Variants in BANF2 observed in about 807,000 individuals in gnomAD.
BANF2 encodes the protein BANF family member 2, also known as barrier-to-autointegration factor-like protein.
Under a neutral mutation model 8.0 loss-of-function variants are expected in BANF2, and 4 were observed. The observed-to-expected ratio is 0.50, with a 90% CI of 0.25 to 1.14. BANF2 has a LOEUF of 1.14. Ranked by LOEUF, BANF2 falls within the 50% of genes most tolerant of loss-of-function variation. The pLI is 0.16. For missense variants in BANF2, 96 were observed against 107.5 expected (o/e 0.89, Z 0.47); for synonymous variants, 50 against 40.6 (o/e 1.23, Z -0.88).
At chr20:17,731,830 G>T (rs2037901257) in intron 3 of BANF2, among the ~76,000 whole-genome samples, 1 of 150,638 alleles carries the variant, frequency 6.6e-6, no homozygotes, top group South Asian at 2.1e-4. Flanking sequence ...ACTTTGGGAG[G>T]CCGAGGCGGG....
upstream of BANF2, among the ~76,000 whole-genome samples, chr20:17,698,739 G>A (rs2037372461): frequency 6.6e-6 from 1 of 152,206 alleles, no homozygotes; most frequent in Non-Finnish European, 1.5e-5. Flanking sequence ...AGAGGCTATG[G>A]GCAGGGCACT....
chr20:17,700,253 C>G (rs1191836602), intron 1 of BANF2, among the ~76,000 whole-genome samples, 198 bp downstream of exon 1: 1 of 152,238 alleles, frequency 6.6e-6, no homozygotes, highest in East Asian at 1.9e-4. Flanking sequence ...CCTCTTCCTG[C>G]TGTGTCACCA....
chr20:17,712,654 A>T, intron 1 of BANF2: 1 of 606,142 alleles, frequency 1.6e-6, no homozygotes, highest in Non-Finnish European at 2.1e-6. Context: ...TCTAGAATCC[A>T]TGGGGCAGAG....
At chr20:17,724,929 T>A in intron 2 of BANF2, 94 bp from the exon 3 acceptor site, 1 of 1,304,798 alleles carries the variant, frequency 7.7e-7, no homozygotes, top group Middle Eastern at 2.7e-4. Context: ...GTTGCCCCAG[T>A]CCCTTGGTGG....
chr20:17,693,695 C>T lies in BANF2; in HGVS notation c.7C>T (p.Arg3Ter), dbSNP rs565286280. The change falls in exon 1 of 3, where the codon CGA (arginine) becomes TGA (stop). Residue 3 changes from arginine to a stop codon, truncating the protein, a stop_gained. Coordinates refer to the BANF2 transcript ENST00000545418. LOFTEE classifies it high-confidence loss of function. ...TAAAGCAACCCTGCGCTGAATGCTG[C>T]GAGGAACAAAGGTAAGGCAGATTGG... The T allele has an allele frequency of 4.5e-6, 7 of 1,551,486 alleles. No individual in the cohort carries two copies. Among genetic ancestry groups the T allele is most frequent in the South Asian group, 2.4e-5 (2 of 84,032 alleles).
chr20:17,722,604 A>G (rs2037748198), intron 1 of BANF2, 112 bp from the exon 2 acceptor site: 4 of 405,664 alleles, frequency 9.9e-6, no homozygotes, highest in Non-Finnish European at 1.3e-5. Flanking sequence ...TGAGATTCCT[A>G]TTTAGCTGCT....
chr20:17,701,177 C>T (rs918525729), intron 1 of BANF2, among the ~76,000 whole-genome samples: 5 of 152,136 alleles, frequency 3.3e-5, no homozygotes, highest in Non-Finnish European at 5.9e-5. Context: ...ACATTTTAGC[C>T]TATGTTAGGC....
intron 2 of BANF2, among the ~76,000 whole-genome samples, chr20:17,723,083 A>G (rs1439083849): frequency 6.6e-6 from 1 of 152,190 alleles, no homozygotes; most frequent in Non-Finnish European, 1.5e-5. Flanking sequence ...ACATTGGGTC[A>G]TTCCTGTATC....
At chr20:17,712,435 G>A in intron 1 of BANF2, 1 of 764,064 alleles carries the variant, frequency 1.3e-6, no homozygotes, top group Non-Finnish European at 1.6e-6. Context: ...CCAAGTCCTG[G>A]AAGGCAAGCC....
rs144153016 is a variant in BANF2 at position 17,700,749 on chromosome 20, G to A, written c.-167+694G>A. Among the ~76,000 whole-genome samples, 260 of 152,206 alleles carry A rather than the reference G, an allele frequency of 1.7e-3. 4 individuals are homozygous for A. The highest frequency in any genetic ancestry group is 5.9e-3 in the African/African-American group (247 of 41,516). Reference sequence around the variant, plus strand: ...AGAGGATGCTGGCTCTTTCCATATGGGCCACCTGCACTCGGCTGAGGGTGG... The same window carrying A: ...AGAGGATGCTGGCTCTTTCCATATGAGCCACCTGCACTCGGCTGAGGGTGG... On this transcript the variant is annotated intron_variant, in intron 1 of 3. Transcript: ENST00000246090.
intron 1 of BANF2, among the ~76,000 whole-genome samples, chr20:17,702,106 C>T (rs940258974): frequency 6.6e-6 from 1 of 152,194 alleles, no homozygotes; most frequent in Non-Finnish European, 1.5e-5. Context: ...GTCATAAATA[C>T]TAAATGACGA....
At chr20:17,716,343 C>CA in intron 1 of BANF2, among the ~76,000 whole-genome samples, 1 of 151,776 alleles carries the variant, frequency 6.6e-6, no homozygotes. Context: ...TTTTCTTTTC[C>CA]TTTTTTTTCT....
intron 3 of BANF2, among the ~76,000 whole-genome samples, chr20:17,734,955 C>T (rs1261254432): frequency 1.3e-5 from 2 of 152,134 alleles, no homozygotes; most frequent in Non-Finnish European, 2.9e-5. Flanking sequence ...GGCATGGTGG[C>T]AGGCACCTGT....
In BANF2 at chr20:17,735,857, C is replaced by T. The variant is rs373634082; in HGVS notation, c.*46C>T. 69 of 1,582,130 alleles carry T rather than the reference C, an allele frequency of 4.4e-5. No individual in the cohort carries two copies. The highest frequency in any genetic ancestry group is 4.2e-4 in the Middle Eastern group (2 of 4,778). ...CCCCACCACCCTCTGGGGAAAATGA[C>T]GCCTTCTCCACCTATGCCCAGGCTC... is the stretch of plus-strand genomic sequence containing the variant. On this transcript the variant is annotated 3_prime_UTR_variant, in exon 4 of 4. Transcript: ENST00000246090.
chr20:17,721,546 T>C (rs990284794), intron 1 of BANF2, among the ~76,000 whole-genome samples: 5 of 152,008 alleles, frequency 3.3e-5, no homozygotes, highest in African/African-American at 1.2e-4. Context: ...TGCACACCAC[T>C]ACGCCTGGCT....
chr20:17,722,100 A>C (rs1375929572), intron 1 of BANF2, among the ~76,000 whole-genome samples: 1 of 152,164 alleles, frequency 6.6e-6, no homozygotes, highest in African/African-American at 2.4e-5. Flanking sequence ...GTTGCAGCCA[A>C]AGGTGTCGTA....
intron 1 of BANF2, among the ~76,000 whole-genome samples, chr20:17,709,221 G>A (rs2037531337): frequency 6.6e-6 from 1 of 152,124 alleles, no homozygotes; most frequent in Admixed American, 6.5e-5. Flanking sequence ...ACTTAGAGCC[G>A]ATTTCTGAAC....
intron 1 of BANF2, among the ~76,000 whole-genome samples, chr20:17,716,641 A>G (rs1347939535): frequency 6.6e-6 from 1 of 151,252 alleles, no homozygotes; most frequent in Admixed American, 6.6e-5. Flanking sequence ...AGGAGGGTGG[A>G]TCACTTGACC....
upstream of BANF2, chr20:17,699,893 C>A: frequency 1.3e-6 from 1 of 786,998 alleles, no homozygotes; most frequent in Non-Finnish European, 1.5e-6. Flanking sequence ...TTTTTGTGCT[C>A]ACCCCCGACC....
Sources: allele counts gnomAD v4.1 joint callset (sites outside exome capture counted in the v4.1 genomes callset), GRCh38; gene constraint gnomAD v4.1.1; transcripts MANE v1.5; gene names NCBI Gene and HGNC (gene_info 2026-07-23, HGNC 2026-07-21).